Variants in TMCO4 observed in about 807,000 individuals in gnomAD.
TMCO4 encodes transmembrane and coiled-coil domain-containing protein 4.
In TMCO4, 58 loss-of-function variants were observed where a neutral mutation model predicts 64.7. The ratio of observed to expected loss-of-function variants is 0.90; its 90% CI spans 0.73 to 1.12. The LOEUF (loss-of-function observed/expected upper bound fraction) is 1.12, where lower values mean the gene tolerates loss of function less well. Among genes scored for constraint, TMCO4 ranks in the 50% most tolerant of loss-of-function variants. The pLI is 0.00. For missense variants in TMCO4, 780 were observed against 825.9 expected, an observed-to-expected ratio of 0.94 and a Z score of 0.68; for synonymous variants, 325 against 346.1, an observed-to-expected ratio of 0.94 and a Z score of 0.68.
intron 15 of TMCO4, among the ~76,000 whole-genome samples, chr1:19,690,814 C>G (rs1057267308): frequency 6.6e-6 from 1 of 151,032 alleles, no homozygotes; most frequent in Non-Finnish European, 1.5e-5. Flanking sequence ...AATACCTCCT[C>G]TAGGGAGTTG....
At chr1:19,782,583 C>T (rs946052267) in intron 3 of TMCO4, among the ~76,000 whole-genome samples, 3 of 152,228 alleles carry the variant, frequency 2.0e-5, no homozygotes. Context: ...GGAAGGTCTC[C>T]TCTTTGTTCT....
intron 13 of TMCO4, among the ~76,000 whole-genome samples, chr1:19,729,568 C>A (rs2095422042): frequency 6.6e-6 from 1 of 151,718 alleles, no homozygotes; most frequent in African/African-American, 2.4e-5. Context: ...GAGTTTGAGA[C>A]CAGCCTGGCC....
chr1:19,697,790 T>G (rs1463540036), intron 14 of TMCO4, among the ~76,000 whole-genome samples: 12 of 151,022 alleles, frequency 7.9e-5, no homozygotes, highest in African/African-American at 2.0e-4. Context: ...TTTTTTTTTT[T>G]TGTGGACACA....
intron 15 of TMCO4, among the ~76,000 whole-genome samples, chr1:19,691,073 T>G (rs1458315024): frequency 3.9e-5 from 6 of 152,100 alleles, no homozygotes; most frequent in Non-Finnish European, 8.8e-5. Flanking sequence ...TTTCACTGTG[T>G]TAGCCAGGAT....
At chr1:19,795,615 A>G (rs1167137323) in intron 2 of TMCO4, among the ~76,000 whole-genome samples, 1 of 152,194 alleles carries the variant, frequency 6.6e-6, no homozygotes, top group African/African-American at 2.4e-5. Context: ...TAATCCTACA[A>G]GGTGGGTGCT....
chr1:19,765,838 A>C (rs1020121422), intron 6 of TMCO4, among the ~76,000 whole-genome samples: 1 of 152,152 alleles, frequency 6.6e-6, no homozygotes, highest in Non-Finnish European at 1.5e-5. Flanking sequence ...TTTTCATGCT[A>C]ATTTCCTGGG....
In TMCO4 at chr1:19,761,461, G is replaced by C. The variant is rs567897330; in HGVS notation, c.383-5695C>G. On this transcript the variant is annotated intron_variant, in intron 6 of 15. Transcript: ENST00000294543. ...TTGGATCCTGCCGGAAGGACCAAAG[G>C]AGCTGGTATCCAGAGGTCCTTTCCA... Among the ~76,000 whole-genome samples the C allele has an allele frequency of 2.0e-5, 3 of 152,348 alleles. No individual in the cohort carries two copies. In the East Asian group the frequency reaches 5.8e-4, roughly 29 times the overall value.
intron 15 of TMCO4, among the ~76,000 whole-genome samples, chr1:19,692,796 CAT>C (rs2095206838): frequency 6.6e-6 from 1 of 151,828 alleles, no homozygotes; most frequent in African/African-American, 2.4e-5. Context: ...CAGAGCGGGA[CAT>C]AGAGTGAGTG....
At chr1:19,730,091 C>T (rs761883330) in intron 13 of TMCO4, among the ~76,000 whole-genome samples, 1 of 152,244 alleles carries the variant, frequency 6.6e-6, no homozygotes, top group Non-Finnish European at 1.5e-5. Flanking sequence ...TTCTAGCTCT[C>T]TGTCTCTGAC....
At chr1:19,690,278 C>A (rs755412024) in intron 15 of TMCO4, among the ~76,000 whole-genome samples, 2 of 152,236 alleles carry the variant, frequency 1.3e-5, no homozygotes, top group Non-Finnish European at 2.9e-5. Flanking sequence ...CTTTTGCCCT[C>A]ATCAGTGGAG....
intron 6 of TMCO4, among the ~76,000 whole-genome samples, chr1:19,757,248 G>A (rs923110755): frequency 1.3e-5 from 2 of 152,016 alleles, no homozygotes; most frequent in African/African-American, 2.4e-5. Flanking sequence ...AGCATCTTAC[G>A]GTTCTGAAGG....
At chr1:19,708,567 C>T (rs933352148) in intron 13 of TMCO4, among the ~76,000 whole-genome samples, 1 of 152,158 alleles carries the variant, frequency 6.6e-6, no homozygotes, top group African/African-American at 2.4e-5. Flanking sequence ...CAAAGGGCCC[C>T]ACAGAGAACA....
chr1:19,740,461 T>C (rs562427918), intron 11 of TMCO4, among the ~76,000 whole-genome samples: 1 of 152,280 alleles, frequency 6.6e-6, no homozygotes, highest in East Asian at 1.9e-4. Flanking sequence ...GATGGTTGGC[T>C]GACCCACAGG....
At chr1:19,694,379 G>A (rs1313115274) in intron 15 of TMCO4, 55 bp downstream of exon 15, 3 of 1,498,058 alleles carry the variant, frequency 2.0e-6, no homozygotes, top group African/African-American at 1.4e-5. Flanking sequence ...AGGGGTGGCT[G>A]GGCTGGAGCA....
At chr1:19,776,674 T>A (rs2043217092) in intron 4 of TMCO4, among the ~76,000 whole-genome samples, 1 of 152,168 alleles carries the variant, frequency 6.6e-6, no homozygotes, top group Non-Finnish European at 1.5e-5. Context: ...TCTGAAACAG[T>A]AATTCCCCAG....
At chr1:19,740,094 C>T in intron 11 of TMCO4, 134 bp from the exon 12 acceptor site, 3 of 1,046,174 alleles carry the variant, frequency 2.9e-6, no homozygotes, top group East Asian at 2.7e-5. Context: ...AATCAAACTG[C>T]TAAAGAACAA....
intron 6 of TMCO4, among the ~76,000 whole-genome samples, chr1:19,768,615 T>C (rs1408550755): frequency 4.6e-5 from 7 of 152,156 alleles, no homozygotes; most frequent in African/African-American, 1.7e-4. Flanking sequence ...CTACATAAAG[T>C]ATTACCGAAG....
intron 15 of TMCO4, among the ~76,000 whole-genome samples, chr1:19,689,693 A>G (rs2095176826): frequency 6.6e-6 from 1 of 152,244 alleles, no homozygotes; most frequent in Admixed American, 6.5e-5. Context: ...CAGCATTAAA[A>G]GCTACTTTCT....
At chr1:19,756,123 T>G (rs1471974220) in intron 6 of TMCO4, among the ~76,000 whole-genome samples, 1 of 152,046 alleles carries the variant, frequency 6.6e-6, no homozygotes, top group African/African-American at 2.4e-5. Context: ...TTGTGGTGCA[T>G]GCCTGTGGTC....
Sources: allele counts gnomAD v4.1 joint callset (sites outside exome capture counted in the v4.1 genomes callset), GRCh38; gene constraint gnomAD v4.1.1; transcripts MANE v1.5; gene names NCBI Gene and HGNC (gene_info 2026-07-23, HGNC 2026-07-21).